The following NRCAM variants were observed in gnomAD, a reference collection of about 807,000 sequenced individuals.
The protein encoded by NRCAM is NgCAM-related cell adhesion molecule.
NRCAM carries 83 observed loss-of-function variants against 156.5 expected under a neutral mutation model. The ratio of observed to expected loss-of-function variants is 0.53; its 90% CI spans 0.44 to 0.64. NRCAM has a LOEUF of 0.64. NRCAM is among the 30% of genes least tolerant of loss of function. NRCAM has a pLI of 0.00. For synonymous variants in NRCAM, 538 were observed against 563.9 expected (o/e 0.95, Z 0.65); for missense variants, 1,417 against 1,597.3 (o/e 0.89, Z 1.92).
chr7:108,371,561 T>C (rs1272038594), intron 2 of NRCAM, among the ~76,000 whole-genome samples: 3 of 152,146 alleles, frequency 2.0e-5, no homozygotes, highest in Admixed American at 2.0e-4. Context: ...CTCAAAAGTT[T>C]GGGATAAAAA....
intron 2 of NRCAM, among the ~76,000 whole-genome samples, chr7:108,333,256 C>T (rs2099145436): frequency 6.6e-6 from 1 of 152,134 alleles, no homozygotes; most frequent in South Asian, 2.1e-4. Context: ...ACCTCTTTCT[C>T]ATCATATATT....
intron 3 of NRCAM, among the ~76,000 whole-genome samples, chr7:108,294,450 C>G (rs1271474496): frequency 6.6e-6 from 1 of 152,092 alleles, no homozygotes; most frequent in Non-Finnish European, 1.5e-5. Flanking sequence ...AAAGTGGCTT[C>G]CATTTTCCTG....
At chr7:108,275,674 C>A (rs2097568449) in intron 3 of NRCAM, among the ~76,000 whole-genome samples, 2 of 152,076 alleles carry the variant, frequency 1.3e-5, no homozygotes, top group Admixed American at 6.5e-5. Flanking sequence ...TTGATCTTTT[C>A]AAAAAGCCAG....
chr7:108,415,458 T>C (rs1800391445), intron 1 of NRCAM, among the ~76,000 whole-genome samples: 1 of 152,188 alleles, frequency 6.6e-6, no homozygotes, highest in South Asian at 2.1e-4. Context: ...AATGACTTCC[T>C]AAAACATCAA....
intron 2 of NRCAM, among the ~76,000 whole-genome samples, chr7:108,383,109 T>C (rs577329288): frequency 6.8e-5 from 10 of 148,072 alleles, no homozygotes; most frequent in Non-Finnish European, 1.5e-4. Flanking sequence ...ATTCAACCAC[T>C]GAGTCACACC....
chr7:108,337,652 A>T (rs2099214237), intron 2 of NRCAM, among the ~76,000 whole-genome samples: 1 of 152,196 alleles, frequency 6.6e-6, no homozygotes, highest in African/African-American at 2.4e-5. Context: ...TATAACACTC[A>T]TCGCAAGGCC....
rs758431183 is a variant in NRCAM, at chr7:108,234,576, C to T, written c.230+7G>A. 1.3e-6 allele frequency: 2 copies of T among 1,521,398 alleles called. No homozygotes were observed. The highest frequency in any genetic ancestry group is 3.4e-5 in the Admixed American group (2 of 59,406). 94.2% of individuals were successfully genotyped at this position (1,521,398 alleles called of 1,614,324 possible). A position where few individuals can be genotyped will look rare whatever the true frequency, so the allele number is the denominator to read the frequency against. Reference sequence around the variant, plus strand: ...CAGTACTATAACAAAGCAGAATGCACACTCACCTTGGGGGCGGTTTCCCTT... The same window carrying T: ...CAGTACTATAACAAAGCAGAATGCATACTCACCTTGGGGGCGGTTTCCCTT... On this transcript the variant is annotated splice_region_variant and intron_variant, in intron 6 of 32. Transcript: ENST00000379028.
intron 23 of NRCAM, 40 bp from the exon 24 acceptor site, chr7:108,181,977 A>T (rs1369558128): frequency 6.9e-7 from 1 of 1,455,508 alleles, no homozygotes; most frequent in Non-Finnish European, 9.6e-7. Flanking sequence ...TATCAATGTT[A>T]TTTTTAATTT....
chr7:108,359,614 T>C (rs1029190257), intron 2 of NRCAM, among the ~76,000 whole-genome samples: 1 of 152,220 alleles, frequency 6.6e-6, no homozygotes, highest in African/African-American at 2.4e-5. Flanking sequence ...GAAAGGTATC[T>C]AGGTCTCAGA....
At chr7:108,263,259 C>T (rs529623348) in intron 3 of NRCAM, among the ~76,000 whole-genome samples, 2 of 152,334 alleles carry the variant, frequency 1.3e-5, no homozygotes, top group East Asian at 3.9e-4. Context: ...GAAACACCTT[C>T]ACAGAAAAGA....
At chr7:108,353,349 T>A (rs1212843747) in intron 2 of NRCAM, among the ~76,000 whole-genome samples, 14 of 152,128 alleles carry the variant, frequency 9.2e-5, no homozygotes, top group Middle Eastern at 3.4e-3. Flanking sequence ...TTTCCTTTTT[T>A]AATTATTTTT....
At chr7:108,287,148 G>A (rs1005454791) in intron 3 of NRCAM, among the ~76,000 whole-genome samples, 2 of 151,858 alleles carry the variant, frequency 1.3e-5, no homozygotes, top group Non-Finnish European at 2.9e-5. Context: ...CTATAAAAAT[G>A]CTAGAAGAAG....
At chr7:108,182,644 A>C in intron 23 of NRCAM, 51 bp downstream of exon 23, 1 of 1,552,456 alleles carries the variant, frequency 6.4e-7, no homozygotes, top group Non-Finnish European at 8.9e-7. Context: ...CTTGGCTTGC[A>C]CCTTGGTAAG....
chr7:108,200,189 C>T (rs896424589), intron 13 of NRCAM, among the ~76,000 whole-genome samples: 5 of 152,232 alleles, frequency 3.3e-5, no homozygotes, highest in Non-Finnish European at 7.3e-5. Context: ...TCTTAGCTTA[C>T]ATCTCCTATT....
At chr7:108,404,550 C>A (rs114785383) in intron 1 of NRCAM, among the ~76,000 whole-genome samples, 1 of 152,130 alleles carries the variant, frequency 6.6e-6, no homozygotes, top group Non-Finnish European at 1.5e-5. Context: ...ACCAAGACTA[C>A]AAGTATTTTG....
intron 2 of NRCAM, among the ~76,000 whole-genome samples, chr7:108,354,881 C>T (rs566064636): frequency 2.0e-5 from 3 of 150,632 alleles, no homozygotes; most frequent in South Asian, 2.1e-4. Context: ...GCAACAAGAG[C>T]GAAACTCTGT....
intron 4 of NRCAM, among the ~76,000 whole-genome samples, chr7:108,238,909 A>G (rs2095336181): frequency 6.6e-6 from 1 of 151,986 alleles, no homozygotes; most frequent in South Asian, 2.1e-4. Flanking sequence ...TGGCAGTTGC[A>G]ACCTCTATGG....
chr7:108,293,307 ACT>A (rs1245616280), intron 3 of NRCAM, among the ~76,000 whole-genome samples: 10 of 151,724 alleles, frequency 6.6e-5, no homozygotes, highest in Admixed American at 6.6e-4. Context: ...GGCTCTTTTC[ACT>A]CCCCTCCTTT....
chr7:108,384,113 AG>A (rs2099723341), intron 2 of NRCAM, among the ~76,000 whole-genome samples: 1 of 152,184 alleles, frequency 6.6e-6, no homozygotes, highest in African/African-American at 2.4e-5. Flanking sequence ...GGAGGGTGGG[AG>A]GAAGAAGCAG....
Sources: gnomAD v4.1 joint callset for allele counts (sites outside exome capture counted in the v4.1 genomes callset) on GRCh38, gnomAD v4.1.1 for gene constraint, MANE v1.5 for transcripts, NCBI Gene and HGNC (gene_info 2026-07-23, HGNC 2026-07-21) for gene names.